ARHGAP10: variants seen among roughly 807,000 people sequenced by gnomAD.
The protein encoded by ARHGAP10 is rho GTPase-activating protein 10.
ARHGAP10 carries 87 observed loss-of-function variants against 108.6 expected under a neutral mutation model. The ratio of observed to expected loss-of-function variants is 0.80; its 90% CI spans 0.67 to 0.96. The LOEUF (loss-of-function observed/expected upper bound fraction) is 0.96. Ranked by LOEUF, ARHGAP10 falls within the 40% of genes least tolerant of loss-of-function variation. ARHGAP10 has a pLI of 0.00. For synonymous variants in ARHGAP10, 347 were observed against 341.1 expected (o/e 1.02, Z -0.19); for missense variants, 939 against 954.5 (o/e 0.98, Z 0.21).
chr4:147,944,393 T>G (rs1344942763), intron 14 of ARHGAP10, among the ~76,000 whole-genome samples: 1 of 152,230 alleles, frequency 6.6e-6, no homozygotes, highest in Non-Finnish European at 1.5e-5. Context: ...AATGTTGAAG[T>G]GCTTTAAAAG....
intron 18 of ARHGAP10, among the ~76,000 whole-genome samples, chr4:147,968,255 G>T (rs1055573628): frequency 2.6e-5 from 4 of 152,178 alleles, no homozygotes; most frequent in Non-Finnish European, 5.9e-5. Context: ...CCTCTCTCCC[G>T]CTGTCTCAAG....
At chr4:147,876,048 C>A (rs914693542) in intron 8 of ARHGAP10, among the ~76,000 whole-genome samples, 7 of 152,150 alleles carry the variant, frequency 4.6e-5, no homozygotes, top group African/African-American at 1.7e-4. Flanking sequence ...GACTTTCAAT[C>A]CGACCTAAAA....
chr4:147,990,773 G>A (rs1240220523), intron 18 of ARHGAP10, among the ~76,000 whole-genome samples: 1 of 152,130 alleles, frequency 6.6e-6, no homozygotes, highest in East Asian at 1.9e-4. Context: ...GTCTACTTGA[G>A]GGACGAGGGA....
intron 8 of ARHGAP10, among the ~76,000 whole-genome samples, chr4:147,877,923 G>A (rs1444806263): frequency 6.7e-6 from 1 of 149,570 alleles, no homozygotes; most frequent in African/African-American, 2.5e-5. Context: ...GTAATGTTAA[G>A]CCAGACAATA....
intron 22 of ARHGAP10, among the ~76,000 whole-genome samples, chr4:148,070,123 A>G (rs1234873007): frequency 1.3e-5 from 2 of 152,216 alleles, no homozygotes; most frequent in East Asian, 3.8e-4. Context: ...ACATGCTCTC[A>G]TAGTCTGGAC....
At chr4:148,045,738 CAAAAAAAAAAAAAAAAA>C (rs11363800) in intron 19 of ARHGAP10, among the ~76,000 whole-genome samples, 5 of 57,516 alleles carry the variant, frequency 8.7e-5, no homozygotes, top group African/African-American at 3.0e-4. Flanking sequence ...AACTCCATCT[CAAAAAAAAAAAAAAAAA>C]AAAAAAAAAA....
At chr4:147,870,642 T>G (rs540968960) in intron 7 of ARHGAP10, among the ~76,000 whole-genome samples, 1 of 151,902 alleles carries the variant, frequency 6.6e-6, no homozygotes, top group Admixed American at 6.6e-5. Context: ...AGCAGCAAGA[T>G]GGCTTTTAGG....
chr4:147,755,765 C>T (rs899957486), intron 1 of ARHGAP10, among the ~76,000 whole-genome samples: 25 of 152,008 alleles, frequency 1.6e-4, no homozygotes, highest in African/African-American at 5.1e-4. Context: ...TGGACTATCA[C>T]GAAAGAAGGT....
At chr4:147,944,109 A>T (rs1017096615) in intron 14 of ARHGAP10, among the ~76,000 whole-genome samples, 4 of 152,250 alleles carry the variant, frequency 2.6e-5, no homozygotes, top group African/African-American at 7.2e-5. Context: ...TGTTAAAACG[A>T]GATTTAAATA....
chr4:147,812,254 C>G (rs1732059766), intron 1 of ARHGAP10, among the ~76,000 whole-genome samples: 1 of 152,126 alleles, frequency 6.6e-6, no homozygotes, highest in Non-Finnish European at 1.5e-5. Flanking sequence ...GAAAACATCT[C>G]TTTGAAAAAT....
chr4:147,952,563 T>C (rs912030609), intron 15 of ARHGAP10, among the ~76,000 whole-genome samples: 1 of 152,174 alleles, frequency 6.6e-6, no homozygotes, highest in Non-Finnish European at 1.5e-5. Flanking sequence ...TTTTCTTGGG[T>C]GAAGTGTCTG....
chr4:148,061,072 C>T (rs569863697), intron 20 of ARHGAP10, among the ~76,000 whole-genome samples: 26 of 151,202 alleles, frequency 1.7e-4, no homozygotes, highest in African/African-American at 3.9e-4. Context: ...CCCACCCACC[C>T]GCGGGTGTTT....
rs1178256407 is a variant in ARHGAP10, at chr4:147,798,724, ACTCTCTCTCTCTCTCTCTCTCT to A, written c.155-23966_155-23945del. Among the ~76,000 whole-genome samples, 621 of 85,656 alleles carry A rather than the reference ACTCTCTCTCTCTCTCTCTCTCT, an allele frequency of 7.2e-3. 5 individuals are homozygous for A. The highest frequency in any genetic ancestry group is 8.8e-3 in the Non-Finnish European group (432 of 49,324). The allele number at this position is 85,656 out of a possible 152,430, so 56.2% of individuals were successfully genotyped here. Reference sequence around the variant, plus strand: ...TTACGTGAGGTCAGGAGTTTGAGACACTCTCTCTCTCTCTCTCTCTCTCTCTCTCTCTCTCTCTCTCTCTCTC... The same window carrying A: ...TTACGTGAGGTCAGGAGTTTGAGACACTCTCTCTCTCTCTCTCTCTCTCTC... On this transcript the variant is annotated intron_variant, in intron 1 of 22. Transcript: ENST00000336498.
chr4:147,984,570 A>G (rs556649481), intron 18 of ARHGAP10, among the ~76,000 whole-genome samples: 1 of 152,234 alleles, frequency 6.6e-6, no homozygotes, highest in East Asian at 1.9e-4. Flanking sequence ...TTCACTGGCA[A>G]GGTGTCTGTT....
chr4:147,931,263 C>T (rs1388423202), intron 13 of ARHGAP10, among the ~76,000 whole-genome samples: 2 of 151,534 alleles, frequency 1.3e-5, no homozygotes, highest in Admixed American at 1.3e-4. Flanking sequence ...ATAAGCTTAC[C>T]TTTTGTTTGC....
At chr4:147,847,604 A>G (rs1733689097) in intron 4 of ARHGAP10, among the ~76,000 whole-genome samples, 1 of 152,166 alleles carries the variant, frequency 6.6e-6, no homozygotes. Flanking sequence ...ACGCTGCCAC[A>G]CTGTGATGCC....
chr4:148,012,984 C>T (rs1180645942), intron 18 of ARHGAP10, among the ~76,000 whole-genome samples: 2 of 148,254 alleles, frequency 1.3e-5, no homozygotes, highest in Non-Finnish European at 3.0e-5. Context: ...AACATTTCTA[C>T]AAGGAATATA....
intron 1 of ARHGAP10, among the ~76,000 whole-genome samples, chr4:147,735,230 A>G (rs972940652): frequency 6.6e-6 from 1 of 152,228 alleles, no homozygotes; most frequent in African/African-American, 2.4e-5. Flanking sequence ...CCTGTAGTTG[A>G]AATTACTTCA....
intron 18 of ARHGAP10, among the ~76,000 whole-genome samples, chr4:147,996,868 G>A (rs1030161319): frequency 1.3e-5 from 2 of 152,192 alleles, no homozygotes; most frequent in African/African-American, 2.4e-5. Context: ...TGAGGGAACA[G>A]GGAGAAGCAG....
Sources: gnomAD v4.1 joint callset for allele counts (sites outside exome capture counted in the v4.1 genomes callset) on GRCh38, gnomAD v4.1.1 for gene constraint, MANE v1.5 for transcripts, NCBI Gene and HGNC (gene_info 2026-07-23, HGNC 2026-07-21) for gene names.